Variants in CACNA1C observed in about 807,000 individuals in gnomAD.
CACNA1C encodes voltage-dependent L-type calcium channel subunit alpha-1C.
A neutral mutation model predicts 229.0 loss-of-function variants in CACNA1C; 30 were observed. The observed-to-expected ratio is 0.13, with a 90% CI of 0.10 to 0.18. The LOEUF is 0.18. Ranked by LOEUF, CACNA1C falls within the 10% of genes least tolerant of loss-of-function variation. The pLI is 1.00. For synonymous variants in CACNA1C, 1,114 were observed against 1,132.5 expected, an observed-to-expected ratio of 0.98 and a Z score of 0.33; for missense variants, 1,658 against 2,845.0, an observed-to-expected ratio of 0.58 and a Z score of 9.49.
chr12:2,436,253 C>G (rs1260880405), intron 3 of CACNA1C, among the ~76,000 whole-genome samples: 1 of 152,188 alleles, frequency 6.6e-6, no homozygotes, highest in Non-Finnish European at 1.5e-5. Flanking sequence ...GTCAGAAATT[C>G]ACTGCTCAGA....
chr12:2,259,873 C>CT (rs2079408741), intron 3 of CACNA1C, among the ~76,000 whole-genome samples: 1 of 151,420 alleles, frequency 6.6e-6, no homozygotes, highest in Non-Finnish European at 1.5e-5. Flanking sequence ...GAGGTGGAGG[C>CT]TGCAGTGAGC....
intron 1 of CACNA1C, among the ~76,000 whole-genome samples, chr12:2,023,565 T>G (rs972105625): frequency 6.6e-6 from 1 of 152,164 alleles, no homozygotes; most frequent in African/African-American, 2.4e-5. Flanking sequence ...GCTCTCCTCA[T>G]TATTTCCTCA....
intron 1 of CACNA1C, among the ~76,000 whole-genome samples, chr12:2,027,090 A>G (rs1013060159): frequency 2.0e-5 from 3 of 152,212 alleles, no homozygotes; most frequent in African/African-American, 7.2e-5. Context: ...TATTGTCATC[A>G]GGCTAGTAAG....
In CACNA1C at chr12:2,452,337, C is replaced by T. The variant is rs567829163; in HGVS notation, c.617+3222C>T. Reference sequence around the variant, plus strand: ...CGGCCTCAGATCCACGTGCCCCTACCGAGGGACCGTGGAATCCTCAGTGGA... The same window carrying T: ...CGGCCTCAGATCCACGTGCCCCTACTGAGGGACCGTGGAATCCTCAGTGGA... On this transcript the variant is annotated intron_variant, in intron 4 of 46. Transcript: ENST00000399655. 5.9e-5 allele frequency among the ~76,000 whole-genome samples: 9 copies of T among 152,224 alleles called. No individual in the cohort carries two copies. In the South Asian group the frequency reaches 6.2e-4, roughly 11 times the overall value.
intron 3 of CACNA1C, among the ~76,000 whole-genome samples, chr12:2,352,246 T>A (rs2097221941): frequency 6.6e-6 from 1 of 152,208 alleles, no homozygotes; most frequent in Non-Finnish European, 1.5e-5. Flanking sequence ...TCTCCCACTC[T>A]CCTGCTCATT....
At chr12:2,270,356 C>T (rs913419832) in intron 3 of CACNA1C, among the ~76,000 whole-genome samples, 1 of 152,168 alleles carries the variant, frequency 6.6e-6, no homozygotes, top group Non-Finnish European at 1.5e-5. Context: ...TTTTTGAGGG[C>T]AGGGCCTGAT....
At chr12:2,424,258 GA>G (rs1418261979) in intron 3 of CACNA1C, among the ~76,000 whole-genome samples, 1 of 152,146 alleles carries the variant, frequency 6.6e-6, no homozygotes, top group Non-Finnish European at 1.5e-5. Flanking sequence ...AAGGCATTCA[GA>G]ATGCACTCAG....
At chr12:2,404,397 C>A (rs2098712960) in intron 3 of CACNA1C, among the ~76,000 whole-genome samples, 1 of 152,194 alleles carries the variant, frequency 6.6e-6, no homozygotes, top group South Asian at 2.1e-4. Context: ...AGGCCACCCT[C>A]TTCTTAGGAG....
chr12:2,340,572 T>C (rs1281822860), intron 3 of CACNA1C, among the ~76,000 whole-genome samples: 3 of 152,218 alleles, frequency 2.0e-5, no homozygotes, highest in African/African-American at 7.2e-5. Flanking sequence ...TACCTGTAGT[T>C]AAGATAAAAT....
intron 30 of CACNA1C, among the ~76,000 whole-genome samples, chr12:2,640,078 C>T (rs962133159): frequency 1.3e-5 from 2 of 152,132 alleles, no homozygotes; most frequent in Non-Finnish European, 2.9e-5. Flanking sequence ...ATGAGGATGA[C>T]CTGATGAGCA....
At position 2,512,417 on chromosome 12, in the gene CACNA1C, T is replaced by C. The variant is rs1454428172; in HGVS notation, c.1218-395T>C. ...AACTACCACTCAATACTGGGTGGGA[T>C]GGAAATGCATGTTCTGGAATGGTGG... On this transcript the variant is annotated intron_variant, in intron 8 of 46. Coordinates refer to ENST00000399655, the MANE Select transcript of CACNA1C (RefSeq NM_000719.7). This position sits in a 1 kb window ranked among gnomAD's most constrained non-coding sequence, Gnocchi z 4.3. Among the ~76,000 whole-genome samples, 1 of 152,168 alleles carries C rather than the reference T, an allele frequency of 6.6e-6. No individual in the cohort carries two copies. Among genetic ancestry groups the C allele is most frequent in the African/African-American group, 2.4e-5 (1 of 41,444 alleles).
intron 32 of CACNA1C, among the ~76,000 whole-genome samples, chr12:2,652,472 C>T (rs138102415): frequency 0.011 from 1,714 of 152,356 alleles, 16 homozygotes; most frequent in Non-Finnish European, 0.016. Context: ...CCCGTGAAGG[C>T]GGTTTCATGC....
chr12:2,005,605 C>T lies in CACNA1C; in HGVS notation c.139+34404C>T, dbSNP rs2470413. Among the ~76,000 whole-genome samples, 837 of 108,428 alleles carry T rather than the reference C, an allele frequency of 7.7e-3. 6 individuals are homozygous for T. The highest frequency in any genetic ancestry group is 0.031 in the African/African-American group (780 of 25,140). The allele number at this position is 108,428 out of a possible 152,430, so 71.1% of individuals were successfully genotyped here. ...CTGCCATGAGCTTGACATCTCAGTACTTAATGTTTTTTTTTCTGATGAGAT... is the reference window on the plus strand; with the variant it reads ...CTGCCATGAGCTTGACATCTCAGTATTTAATGTTTTTTTTTCTGATGAGAT... On this transcript the variant is annotated intron_variant, in intron 1 of 46. Transcript: ENST00000682462.
intron 5 of CACNA1C, among the ~76,000 whole-genome samples, chr12:2,482,316 C>T (rs1052197088): frequency 5.3e-5 from 8 of 152,228 alleles, no homozygotes; most frequent in Non-Finnish European, 8.8e-5. Context: ...AGACTCAGGT[C>T]GTGGAGGCTG....
At chr12:2,322,009 C>T (rs953845837) in intron 3 of CACNA1C, among the ~76,000 whole-genome samples, 2 of 152,222 alleles carry the variant, frequency 1.3e-5, no homozygotes, top group Admixed American at 1.3e-4. Context: ...GAACTAGACG[C>T]AGCTGCTGAG....
chr12:2,115,674 T>A, intron 2 of CACNA1C, 129 bp downstream of exon 2: 1 of 791,180 alleles, frequency 1.3e-6, no homozygotes, highest in Non-Finnish European at 2.1e-6. Context: ...GCCTACTGCA[T>A]CTGCATCACT....
chr12:2,068,340 G>T (rs2060126504), intron 1 of CACNA1C, among the ~76,000 whole-genome samples: 1 of 152,316 alleles, frequency 6.6e-6, no homozygotes, highest in South Asian at 2.1e-4. Context: ...GGAGGGGTCT[G>T]GTGTGGGGGA....
chr12:2,529,161 C>G (rs919372529), intron 9 of CACNA1C, among the ~76,000 whole-genome samples: 2 of 152,144 alleles, frequency 1.3e-5, no homozygotes, highest in Non-Finnish European at 2.9e-5. Flanking sequence ...GTTTGGTGAC[C>G]TCATTAGGTT....
intron 13 of CACNA1C, among the ~76,000 whole-genome samples, chr12:2,579,058 C>CA (rs1205679208): frequency 6.6e-6 from 1 of 152,156 alleles, no homozygotes; most frequent in Non-Finnish European, 1.5e-5. Context: ...CACCATCCCT[C>CA]TCTGCTCCTC....
Sources: gnomAD v4.1 joint callset for allele counts (sites outside exome capture counted in the v4.1 genomes callset) on GRCh38, gnomAD v4.1.1 for gene constraint, Gnocchi (gnomAD v3.1) non-coding constraint, MANE v1.5 for transcripts, NCBI Gene and HGNC (gene_info 2026-07-23, HGNC 2026-07-21) for gene names.